Variants in CLSPN observed in about 807,000 individuals in gnomAD.
The protein encoded by CLSPN is claspin homolog.
Under a neutral mutation model 156.3 loss-of-function variants are expected in CLSPN, and 85 were observed. That is an observed-to-expected ratio of 0.54 (90% CI 0.46 to 0.65). The LOEUF is 0.65. CLSPN is among the 30% of genes least tolerant of loss of function. The pLI is 0.00. For missense variants in CLSPN, 1,407 were observed against 1,554.9 expected (o/e 0.90, Z 1.60); for synonymous variants, 534 against 542.4 (o/e 0.98, Z 0.22).
rs1225206100 is a variant in CLSPN, at chr1:35,735,502, G to A, written c.*994C>T. 17 of 758,970 alleles carry A rather than the reference G, an allele frequency of 2.2e-5. No homozygotes were observed. Among genetic ancestry groups the A allele is most frequent in the Non-Finnish European group, 2.7e-5 (17 of 623,506 alleles). 47.0% of individuals were successfully genotyped at this position (758,970 alleles called of 1,614,324 possible). A position where few individuals can be genotyped will look rare whatever the true frequency, so the allele number is the denominator to read the frequency against. ...GCAGCTGGATCACTTGAGGTCAGGAGATCGAGACCAGCCTGGCCAACATGG... is the reference window on the plus strand; with the variant it reads ...GCAGCTGGATCACTTGAGGTCAGGAAATCGAGACCAGCCTGGCCAACATGG... On this transcript the variant is annotated 3_prime_UTR_variant, in exon 25 of 25. Transcript: ENST00000318121.
downstream of CLSPN, among the ~76,000 whole-genome samples, chr1:35,728,439 CA>C (rs927244637): frequency 6.6e-6 from 1 of 152,128 alleles, no homozygotes; most frequent in African/African-American, 2.4e-5. Context: ...CACCATTGCC[CA>C]AAAGAAAACT....
Position 35,732,301 on chromosome 1 carries a change from A to G in CLSPN, c.*4195T>C, listed in dbSNP as rs557009395. ...TATCCTTAGGAGCACAAATCCCAGG[A>G]CAGGATGCCACAAGAGTGATTAGAC... On this transcript the variant is annotated 3_prime_UTR_variant, in exon 25 of 25. Transcript: ENST00000318121. 1 of 985,438 alleles carries G rather than the reference A, an allele frequency of 1.0e-6. No individual in the cohort carries two copies. The highest frequency in any genetic ancestry group is 4.7e-5 in the South Asian group (1 of 21,292). The allele number at this position is 985,438 out of a possible 1,614,324, so 61.0% of individuals were successfully genotyped here. A position where few individuals can be genotyped will look rare whatever the true frequency, so the allele number is the denominator to read the frequency against.
At chr1:35,745,603 T>G (rs776034176) in intron 15 of CLSPN, 41 bp from the exon 16 acceptor site, 1 of 1,365,250 alleles carries the variant, frequency 7.3e-7, no homozygotes, top group Non-Finnish European at 1.0e-6. Context: ...CAAGGAATGA[T>G]AGCTTTATAC....
chr1:35,720,688 C>T (rs778513106), exon 25 of CLSPN: 3 of 342,958 alleles, frequency 8.7e-6, no homozygotes, highest in African/African-American at 6.4e-5. Flanking sequence ...CCTTGTGATC[C>T]ACCCACCTCG....
At position 35,763,142 on chromosome 1, in the gene CLSPN, C is replaced by A. The variant is rs372035489; in HGVS notation, c.744+18G>T. ...AGAAGCAGTTGATTAACTCTTATTGCAATCATGCTTTACTTGCCTTGTGCT... is the reference window on the plus strand; with the variant it reads ...AGAAGCAGTTGATTAACTCTTATTGAAATCATGCTTTACTTGCCTTGTGCT... On this transcript the variant is annotated intron_variant, in intron 4 of 24. Coordinates refer to ENST00000318121, the MANE Select transcript of CLSPN (RefSeq NM_022111.4). 36 of 1,525,122 alleles carry A rather than the reference C, an allele frequency of 2.4e-5. No individual in the cohort carries two copies. In the African/African-American group the frequency reaches 5.0e-4, roughly 21 times the overall value. 94.5% of individuals were successfully genotyped at this position (1,525,122 alleles called of 1,614,324 possible).
rs548073370 is a variant in CLSPN at position 35,720,873 on chromosome 1, G to T, written c.*18C>A. 38 of 1,586,320 alleles carry T rather than the reference G, an allele frequency of 2.4e-5. No homozygotes were observed. The South Asian group carries it at 4.0e-4, about 17-fold the overall frequency. ...AATAGCCCTTCTCCGCCTCTCTTTG[G>T]ACTCTGTCTCTCCCAGCTTAACCAT... is the stretch of plus-strand genomic sequence containing the variant. On this transcript the variant is annotated 3_prime_UTR_variant, in exon 25 of 25. Coordinates refer to the CLSPN transcript ENST00000251195.
In CLSPN at chr1:35,763,146, C is replaced by A; in HGVS notation, c.744+14G>T. On this transcript the variant is annotated intron_variant, in intron 4 of 24. Transcript: ENST00000318121. ...GCAGTTGATTAACTCTTATTGCAAT[C>A]ATGCTTTACTTGCCTTGTGCTTTTT... 6.5e-7 allele frequency: 1 copy of A among 1,530,746 alleles called. No homozygotes were observed. Among genetic ancestry groups the A allele is most frequent in the Non-Finnish European group, 8.8e-7 (1 of 1,142,192 alleles). 94.8% of individuals were successfully genotyped at this position (1,530,746 alleles called of 1,614,324 possible).
chr1:35,752,933 G>A (rs975638740), intron 9 of CLSPN, among the ~76,000 whole-genome samples: 1 of 152,148 alleles, frequency 6.6e-6, no homozygotes, highest in African/African-American at 2.4e-5. Context: ...TCTTTGGGAA[G>A]ACTAGTTTTT....
chr1:35,743,010 C>T, intron 18 of CLSPN, 131 bp downstream of exon 18: 1 of 674,646 alleles, frequency 1.5e-6, no homozygotes, highest in Admixed American at 2.4e-5. Context: ...TGGTCTTGAA[C>T]TCCTGACCTC....
chr1:35,725,443 GAA>G (rs1242652883), intron 24 of CLSPN, among the ~76,000 whole-genome samples: 1 of 152,128 alleles, frequency 6.6e-6, no homozygotes, highest in Non-Finnish European at 1.5e-5. Flanking sequence ...AGTGAAGGAG[GAA>G]AGAGAGAAGG....
intron 12 of CLSPN, 137 bp from the exon 13 acceptor site, chr1:35,748,741 G>A: frequency 3.7e-6 from 2 of 544,230 alleles, no homozygotes; most frequent in Non-Finnish European, 6.8e-6. Context: ...AAAACATTAA[G>A]TTAAAGGTAA....
At chr1:35,768,228 C>T (rs1229960812) in intron 1 of CLSPN, among the ~76,000 whole-genome samples, 4 of 151,928 alleles carry the variant, frequency 2.6e-5, no homozygotes, top group Admixed American at 6.6e-5. Context: ...ATTAGCTGGG[C>T]GTGGTGGTGT....
chr1:35,730,264 C>T (rs1263455392), downstream of CLSPN, among the ~76,000 whole-genome samples: 1 of 152,096 alleles, frequency 6.6e-6, no homozygotes, highest in Non-Finnish European at 1.5e-5. Context: ...AAACCTAAGG[C>T]TGGGTGTGGT....
rs115614983 is a variant in CLSPN, at chr1:35,764,657, T to C, written c.191A>G (p.Asp64Gly). 14 of 1,609,618 alleles carry C rather than the reference T, an allele frequency of 8.7e-6. No homozygotes were observed. In the South Asian group the frequency reaches 1.0e-4, roughly 12 times the overall value. ...TGTGTCCTCTGTTTCGGAATCACTG[T>C]CTTGTAGAACCTTCCTGTTTTTCAA... Reference protein sequence around the residue: ...KKLKNRKVLQDSDSETEDTNA... With the variant: ...KKLKNRKVLQGSDSETEDTNA... The change falls in exon 3 of 25, where the codon GAC (aspartate) becomes GGC (glycine). Residue 64 changes from aspartate to glycine, a missense_variant. By Grantham distance (94) the Asp-to-Gly change is moderately conservative. This residue lies in a region of CLSPN where 1,096 missense variants were observed against 1,193.0 expected (regional missense o/e 0.92). Transcript: ENST00000318121.
intron 13 of CLSPN, 139 bp downstream of exon 13, chr1:35,748,266 C>A (rs1641958484): frequency 4.1e-6 from 4 of 987,520 alleles, no homozygotes; most frequent in Non-Finnish European, 6.1e-6. Context: ...TTTTAATACA[C>A]AAAGGGGGTG....
At chr1:35,748,641 C>T in intron 12 of CLSPN, 37 bp from the exon 13 acceptor site, 4 of 1,549,670 alleles carry the variant, frequency 2.6e-6, no homozygotes, top group Non-Finnish European at 3.6e-6. Context: ...CACATGATTA[C>T]AGAAATAAGG....
In CLSPN at chr1:35,738,109, A is replaced by G; in HGVS notation, c.3559-12T>C. The G allele has an allele frequency of 3.2e-6, 2 of 631,144 alleles. No homozygotes were observed. The highest frequency in any genetic ancestry group is 3.9e-5 in the East Asian group (1 of 25,540). 39.1% of individuals were successfully genotyped at this position (631,144 alleles called of 1,614,324 possible). ...TTCCCCTGCTGTGCCTGAAAAAAAA[A>G]AAAAATATATATATATATATATATA... On this transcript the variant is annotated splice_polypyrimidine_tract_variant and intron_variant, in intron 21 of 24. Coordinates refer to ENST00000318121, the MANE Select transcript of CLSPN (RefSeq NM_022111.4).
At chr1:35,730,567 TAAAAAAAAA>T (rs56320150), downstream of CLSPN, among the ~76,000 whole-genome samples, 5 of 62,028 alleles carry the variant, frequency 8.1e-5, no homozygotes, top group African/African-American at 3.5e-4. Context: ...GAATCCATAT[TAAAAAAAAA>T]AAAAAAAAAA....
chr1:35,732,981 T>C lies in CLSPN; in HGVS notation c.*3515A>G, dbSNP rs1457210158. 7.1e-6 allele frequency: 7 copies of C among 982,320 alleles called. No individual in the cohort carries two copies. The East Asian group carries it at 5.7e-4, about 80-fold the overall frequency. The allele number at this position is 982,320 out of a possible 1,614,324, so 60.9% of individuals were successfully genotyped here. A position where few individuals can be genotyped will look rare whatever the true frequency, so the allele number is the denominator to read the frequency against. ...CCATTTTCTTTCTTTCTTTTTTTTTTTGAGAGGGAGTCTCACTCTGTCGCC... is the reference window on the plus strand; with the variant it reads ...CCATTTTCTTTCTTTCTTTTTTTTTCTGAGAGGGAGTCTCACTCTGTCGCC... On this transcript the variant is annotated 3_prime_UTR_variant, in exon 25 of 25. Coordinates refer to ENST00000318121, the MANE Select transcript of CLSPN (RefSeq NM_022111.4).
Sources: allele counts gnomAD v4.1 joint callset (sites outside exome capture counted in the v4.1 genomes callset), GRCh38; gene constraint gnomAD v4.1.1; regional missense constraint gnomAD v4.1.1; transcripts MANE v1.5; gene names NCBI Gene and HGNC (gene_info 2026-07-23, HGNC 2026-07-21).